The following LCOR variants were observed in gnomAD, a reference collection of about 807,000 sequenced individuals.
The protein encoded by LCOR is ligand-dependent corepressor.
A neutral mutation model predicts 64.4 loss-of-function variants in LCOR; 14 were observed. That is an observed-to-expected ratio of 0.22 (90% CI 0.14 to 0.34). The LOEUF is 0.34. Ranked by LOEUF, LCOR falls within the 10% of genes least tolerant of loss-of-function variation. The pLI is 1.00. For missense variants in LCOR, 1,686 were observed against 1,765.3 expected, an observed-to-expected ratio of 0.96 and a Z score of 0.80; for synonymous variants, 643 against 642.5, an observed-to-expected ratio of 1.00 and a Z score of -0.01.
At chr10:96,920,394 G>GTATATATGTATATATATTCA (rs1847027508) in intron 4 of LCOR, among the ~76,000 whole-genome samples, 7 of 30,668 alleles carry the variant, frequency 2.3e-4, no homozygotes, top group Admixed American at 1.4e-3. Flanking sequence ...ATATATATGT[G>GTATATATGTATATATATTCA]TATATATGTG....
intron 4 of LCOR, among the ~76,000 whole-genome samples, chr10:96,928,338 C>T (rs939145520): frequency 6.6e-6 from 1 of 152,168 alleles, no homozygotes; most frequent in African/African-American, 2.4e-5. Flanking sequence ...TTGACAGCAT[C>T]TTCACCAGGA....
chr10:96,944,838 C>G (rs1395300195), intron 5 of LCOR, among the ~76,000 whole-genome samples: 1 of 151,992 alleles, frequency 6.6e-6, no homozygotes, highest in Non-Finnish European at 1.5e-5. Context: ...CTTTTGTAGG[C>G]TTGTTTTACA....
At chr10:96,954,457 A>G (rs1198934168) in intron 7 of LCOR, among the ~76,000 whole-genome samples, 2 of 148,438 alleles carry the variant, frequency 1.3e-5, no homozygotes, top group Non-Finnish European at 3.0e-5. Context: ...TATGGGTTCC[A>G]GTAATGTATA....
At chr10:96,965,684 AGAC>A (rs1439863254) in intron 7 of LCOR, among the ~76,000 whole-genome samples, 2 of 146,184 alleles carry the variant, frequency 1.4e-5, no homozygotes, top group Admixed American at 6.8e-5. Context: ...AAAAAAAAAA[AGAC>A]GGGCTATCTA....
chr10:96,985,334 A>T lies in LCOR; in HGVS notation c.*200A>T. The T allele has an allele frequency of 1.7e-6, 1 of 588,700 alleles. No individual in the cohort carries two copies. Among genetic ancestry groups the T allele is most frequent in the Non-Finnish European group, 2.7e-6 (1 of 371,118 alleles). The allele number at this position is 588,700 out of a possible 1,614,324, so 36.5% of individuals were successfully genotyped here. On this transcript the variant is annotated 3_prime_UTR_variant, in exon 8 of 8. Coordinates refer to ENST00000421806, the MANE Select transcript of LCOR (RefSeq NM_001346516.2). ...TCCTTCTCTGAGGCTAAGGGAAGTT[A>T]TATATTATATTCTGGTTGTTCCTTG...
At chr10:96,848,683 A>G (rs965227473) in intron 2 of LCOR, among the ~76,000 whole-genome samples, 6 of 152,140 alleles carry the variant, frequency 3.9e-5, no homozygotes, top group African/African-American at 1.2e-4. Context: ...ACAACAAAAA[A>G]TAAAAACTGG....
chr10:96,851,470 C>T (rs569127473), intron 2 of LCOR, among the ~76,000 whole-genome samples: 10 of 152,158 alleles, frequency 6.6e-5, no homozygotes, highest in South Asian at 4.1e-4. Flanking sequence ...ATTATAGTGA[C>T]GATGAAGATG....
At chr10:96,927,214 T>G (rs1023229202) in intron 4 of LCOR, among the ~76,000 whole-genome samples, 4 of 152,142 alleles carry the variant, frequency 2.6e-5, no homozygotes, top group Non-Finnish European at 5.9e-5. Flanking sequence ...TTCTAGTGGG[T>G]GTGTGTAGTG....
intron 2 of LCOR, among the ~76,000 whole-genome samples, chr10:96,882,141 A>G (rs954206390): frequency 3.3e-5 from 5 of 152,202 alleles, no homozygotes; most frequent in African/African-American, 9.6e-5. Flanking sequence ...CATATTAATG[A>G]AAAATTGTTG....
chr10:96,943,254 C>G (rs959132777), intron 4 of LCOR, among the ~76,000 whole-genome samples: 1 of 152,174 alleles, frequency 6.6e-6, no homozygotes, highest in Non-Finnish European at 1.5e-5. Context: ...TGCCACCACG[C>G]CCAGCTAATT....
At chr10:96,862,419 C>T (rs1845902472) in intron 2 of LCOR, among the ~76,000 whole-genome samples, 1 of 152,122 alleles carries the variant, frequency 6.6e-6, no homozygotes, top group Non-Finnish European at 1.5e-5. Flanking sequence ...GTATGCACCA[C>T]CATCCTCGGC....
At position 96,992,119 on chromosome 10, in the gene LCOR, C is replaced by T. The variant is rs545847099; in HGVS notation, c.*6985C>T. The T allele has an allele frequency of 3.9e-5, 6 of 152,118 alleles. No homozygotes were observed. Among genetic ancestry groups the T allele is most frequent in the African/African-American group, 1.4e-4 (6 of 41,480 alleles). 9.4% of individuals were successfully genotyped at this position (152,118 alleles called of 1,614,324 possible). ...ATTTGCATAATTTTTTATATTTATA[C>T]CACAGGTAGGGATTATTTTTAGAGT... is the stretch of plus-strand genomic sequence containing the variant. On this transcript the variant is annotated 3_prime_UTR_variant, in exon 8 of 8. Coordinates refer to ENST00000421806, the MANE Select transcript of LCOR (RefSeq NM_001346516.2).
rs994255629 is a variant in LCOR at position 96,832,320 on chromosome 10, G to A, written c.-483G>A. 9 of 983,970 alleles carry A rather than the reference G, an allele frequency of 9.1e-6. No individual in the cohort carries two copies. The African/African-American group carries it at 1.6e-4, about 17-fold the overall frequency. The allele number at this position is 983,970 out of a possible 1,614,324, so 61.0% of individuals were successfully genotyped here. On this transcript the variant is annotated 5_prime_UTR_variant, in exon 1 of 8. Coordinates refer to ENST00000421806, the MANE Select transcript of LCOR (RefSeq NM_001346516.2). ...GGCAGAAGATGGCGAGGGTGTGTAG[G>A]CGGCAGCAATGCTCCGTTGAGAGAC... is the stretch of plus-strand genomic sequence containing the variant.
intron 4 of LCOR, among the ~76,000 whole-genome samples, chr10:96,934,827 C>T (rs1847320195): frequency 6.6e-6 from 1 of 152,138 alleles, no homozygotes; most frequent in Admixed American, 6.5e-5. Flanking sequence ...GTGTCAAACT[C>T]CTGCCATCAA....
intron 2 of LCOR, among the ~76,000 whole-genome samples, chr10:96,849,062 T>C (rs1266192383): frequency 1.1e-4 from 1 of 9,358 alleles, no homozygotes. Context: ...GCTAATTGTC[T>C]TTTTTTTTTT....
intron 4 of LCOR, among the ~76,000 whole-genome samples, chr10:96,913,791 G>A (rs1319959115): frequency 6.6e-6 from 1 of 152,056 alleles, no homozygotes; most frequent in Non-Finnish European, 1.5e-5. Flanking sequence ...GACTGTGGTG[G>A]CCCATGCCTG....
intron 2 of LCOR, among the ~76,000 whole-genome samples, chr10:96,875,073 C>A (rs1212152215): frequency 6.6e-6 from 1 of 151,430 alleles, no homozygotes; most frequent in Non-Finnish European, 1.5e-5. Context: ...GCTGTCAGGG[C>A]AATATGTTAT....
rs558866698 is a variant in LCOR, at chr10:96,910,071, A to G, written c.-184+2324A>G. ...GAGTTTTCCTTTGCTGTATGAGGGT[A>G]AAATATTGTATGAATTTTTTTTAAG... On this transcript the variant is annotated intron_variant, in intron 4 of 7. Transcript: ENST00000421806. Among the ~76,000 whole-genome samples the G allele has an allele frequency of 1.3e-3, 201 of 152,284 alleles. 3 individuals carry two copies. In the South Asian group the frequency reaches 0.015, roughly 11 times the overall value.
intron 2 of LCOR, among the ~76,000 whole-genome samples, chr10:96,886,818 A>G (rs1564615435): frequency 6.6e-6 from 1 of 152,234 alleles, no homozygotes; most frequent in Non-Finnish European, 1.5e-5. Flanking sequence ...AGTCAAAAGT[A>G]CCCATTTATT....
Sources: gnomAD v4.1 joint callset for allele counts (sites outside exome capture counted in the v4.1 genomes callset) on GRCh38, gnomAD v4.1.1 for gene constraint, MANE v1.5 for transcripts, NCBI Gene and HGNC (gene_info 2026-07-23, HGNC 2026-07-21) for gene names.